MAP4K3: variants seen among roughly 807,000 people sequenced by gnomAD.
MAP4K3 encodes mitogen-activated protein kinase kinase kinase kinase 3.
Under a neutral mutation model 143.5 loss-of-function variants are expected in MAP4K3, and 94 were observed. The ratio of observed to expected loss-of-function variants is 0.65; its 90% CI spans 0.55 to 0.78. The LOEUF (loss-of-function observed/expected upper bound fraction) is 0.78, where lower values mean the gene tolerates loss of function less well. Ranked by LOEUF, MAP4K3 falls within the 30% of genes least tolerant of loss-of-function variation. MAP4K3 has a pLI of 0.00. For synonymous variants in MAP4K3, 416 were observed against 347.2 expected (o/e 1.20, Z -2.20); for missense variants, 1,077 against 1,068.1 (o/e 1.01, Z -0.12).
chr2:39,343,378 T>G lies in MAP4K3; in HGVS notation c.310+10A>C. ...ACCTAACCCCTATAAAAATACAACT[T>G]TGGTCTTACCGTGATAAATATCCTG... is the stretch of plus-strand genomic sequence containing the variant. On this transcript the variant is annotated intron_variant, in intron 4 of 33. Transcript: ENST00000263881. 1 of 1,605,108 alleles carries G rather than the reference T, an allele frequency of 6.2e-7. No individual in the cohort carries two copies. The highest frequency in any genetic ancestry group is 1.3e-5 in the African/African-American group (1 of 74,776).
At chr2:39,251,084 C>T (rs1469861628) in intron 33 of MAP4K3, among the ~76,000 whole-genome samples, 1 of 152,216 alleles carries the variant, frequency 6.6e-6, no homozygotes, top group African/African-American at 2.4e-5. Flanking sequence ...ATAACGTACC[C>T]AGACACTGGT....
In MAP4K3 at chr2:39,356,231, G is replaced by C. The variant is rs765621561; in HGVS notation, c.245+18C>G. The C allele has an allele frequency of 2.1e-6, 3 of 1,461,892 alleles. No homozygotes were observed. The highest frequency in any genetic ancestry group is 4.7e-5 in the East Asian group (2 of 42,502). The allele number at this position is 1,461,892 out of a possible 1,614,324, so 90.6% of individuals were successfully genotyped here. A position where few individuals can be genotyped will look rare whatever the true frequency, so the allele number is the denominator to read the frequency against. ...ATGAAATCATTATTGCTTTTCAAAA[G>C]GGAAACAAACAGTATACCTGAGATA... On this transcript the variant is annotated intron_variant, in intron 3 of 33. Transcript: ENST00000263881.
intron 1 of MAP4K3, among the ~76,000 whole-genome samples, chr2:39,395,539 T>C (rs1666781831): frequency 6.6e-6 from 1 of 152,232 alleles, no homozygotes; most frequent in East Asian, 1.9e-4. Context: ...GCTCCCTTTC[T>C]CACTATTAGG....
At chr2:39,421,935 T>A (rs1229831149) in intron 1 of MAP4K3, among the ~76,000 whole-genome samples, 5 of 151,974 alleles carry the variant, frequency 3.3e-5, no homozygotes, top group Non-Finnish European at 7.4e-5. Flanking sequence ...GGCTGCAATT[T>A]TTCTGATCTT....
At chr2:39,375,739 C>T (rs767247421) in intron 2 of MAP4K3, among the ~76,000 whole-genome samples, 21 of 152,196 alleles carry the variant, frequency 1.4e-4, no homozygotes, top group Non-Finnish European at 2.6e-4. Flanking sequence ...AGACCCTTCA[C>T]GTACAATAAT....
chr2:39,250,449 T>C lies in MAP4K3; in HGVS notation c.*169A>G. 3 of 559,614 alleles carry C rather than the reference T, an allele frequency of 5.4e-6. No homozygotes were observed. The highest frequency in any genetic ancestry group is 3.2e-5 in the Admixed American group (1 of 30,960). 34.7% of individuals were successfully genotyped at this position (559,614 alleles called of 1,614,324 possible). Reference sequence around the variant, plus strand: ...CTTGTGTGGTTCAATATGCTAAATATATCCATACCACTTAAAACAAAATTT... The same window carrying C: ...CTTGTGTGGTTCAATATGCTAAATACATCCATACCACTTAAAACAAAATTT... On this transcript the variant is annotated 3_prime_UTR_variant, in exon 34 of 34. Transcript: ENST00000263881.
chr2:39,326,746 T>C (rs1005495639), intron 8 of MAP4K3, among the ~76,000 whole-genome samples: 2 of 152,064 alleles, frequency 1.3e-5, no homozygotes, highest in African/African-American at 4.8e-5. Context: ...TAGGAGGTGA[T>C]TGGATCATTG....
chr2:39,412,683 A>G (rs1667264451), intron 1 of MAP4K3, among the ~76,000 whole-genome samples: 2 of 152,338 alleles, frequency 1.3e-5, no homozygotes, highest in Non-Finnish European at 2.9e-5. Context: ...CTGCAATAGT[A>G]GTTAACGTTT....
intron 32 of MAP4K3, among the ~76,000 whole-genome samples, chr2:39,252,784 T>C (rs559360464): frequency 1.3e-4 from 20 of 152,240 alleles, no homozygotes; most frequent in Non-Finnish European, 1.9e-4. Flanking sequence ...TAGCTTCTGT[T>C]GTAACCCAGC....
chr2:39,376,260 T>C (rs1369521537), intron 2 of MAP4K3, among the ~76,000 whole-genome samples: 2 of 152,206 alleles, frequency 1.3e-5, no homozygotes, highest in African/African-American at 2.4e-5. Context: ...TGGAATTTTA[T>C]GATTGAGGGA....
chr2:39,430,749 T>C (rs1421096913), intron 1 of MAP4K3, among the ~76,000 whole-genome samples: 3 of 152,250 alleles, frequency 2.0e-5, no homozygotes, highest in South Asian at 2.1e-4. Context: ...ATTATGAACA[T>C]TGCTTAATAT....
chr2:39,391,464 T>C (rs1666658161), intron 1 of MAP4K3, among the ~76,000 whole-genome samples: 1 of 152,070 alleles, frequency 6.6e-6, no homozygotes, highest in East Asian at 1.9e-4. Context: ...CTGAAAGTTC[T>C]GTGGCAAAGA....
intron 1 of MAP4K3, among the ~76,000 whole-genome samples, chr2:39,383,842 T>C (rs576066567): frequency 4.6e-5 from 7 of 152,146 alleles, no homozygotes; most frequent in African/African-American, 9.7e-5. Context: ...ACATGGCTCA[T>C]GTCTGTAATT....
chr2:39,301,108 A>T (rs1682494014), intron 15 of MAP4K3, among the ~76,000 whole-genome samples: 1 of 152,170 alleles, frequency 6.6e-6, no homozygotes, highest in African/African-American at 2.4e-5. Context: ...AAGCACTTTA[A>T]AATTTAAATA....
intron 3 of MAP4K3, among the ~76,000 whole-genome samples, chr2:39,346,305 A>T (rs1665291169): frequency 6.6e-6 from 1 of 152,114 alleles, no homozygotes; most frequent in African/African-American, 2.4e-5. Flanking sequence ...GTTAATCAAA[A>T]CCTCTGGATC....
At chr2:39,367,899 G>T (rs1312739830) in intron 2 of MAP4K3, among the ~76,000 whole-genome samples, 1 of 152,106 alleles carries the variant, frequency 6.6e-6, no homozygotes, top group Non-Finnish European at 1.5e-5. Context: ...TCATCCCAAA[G>T]AACCAGTTCC....
intron 3 of MAP4K3, among the ~76,000 whole-genome samples, chr2:39,350,432 G>A (rs1354057153): frequency 6.6e-6 from 1 of 152,150 alleles, no homozygotes; most frequent in Non-Finnish European, 1.5e-5. Context: ...GCAACTTTTC[G>A]TAAATGTAAA....
intron 16 of MAP4K3, among the ~76,000 whole-genome samples, chr2:39,299,170 T>C (rs1682408247): frequency 6.6e-6 from 1 of 152,198 alleles, no homozygotes; most frequent in African/African-American, 2.4e-5. Flanking sequence ...ATTTAAATTG[T>C]TAATGTTTGT....
rs1267787848 is a variant in MAP4K3, at chr2:39,346,001, G to A, written c.246-2549C>T. On this transcript the variant is annotated intron_variant, in intron 3 of 33. Transcript: ENST00000263881. ...CATCCAGGATCTGCAATTCATAGGT[G>A]GTTCACATAACAATGAAATTGAAGC... Among the ~76,000 whole-genome samples, 5 of 151,304 alleles carry A rather than the reference G, an allele frequency of 3.3e-5. No individual in the cohort carries two copies. In the East Asian group the frequency reaches 9.7e-4, roughly 29 times the overall value.
Sources: allele counts gnomAD v4.1 joint callset (sites outside exome capture counted in the v4.1 genomes callset), GRCh38; gene constraint gnomAD v4.1.1; transcripts MANE v1.5; gene names NCBI Gene and HGNC (gene_info 2026-07-23, HGNC 2026-07-21).